Variants in BICRAL observed in about 807,000 individuals in gnomAD.
The protein encoded by BICRAL is BICRA like chromatin remodeling complex associated protein.
Under a neutral mutation model 91.8 loss-of-function variants are expected in BICRAL, and 8 were observed. The observed-to-expected ratio is 0.09, with a 90% CI of 0.05 to 0.16. BICRAL has a LOEUF of 0.16. Ranked by LOEUF, BICRAL falls within the 10% of genes least tolerant of loss-of-function variation. BICRAL has a pLI of 1.00. For missense variants in BICRAL, 1,038 were observed against 1,310.9 expected (o/e 0.79, Z 3.21); for synonymous variants, 445 against 491.1 (o/e 0.91, Z 1.24).
At chr6:42,752,912 CTTTTTTTTTTTT>C (rs57864510) in intron 1 of BICRAL, among the ~76,000 whole-genome samples, 1 of 82,230 alleles carries the variant, frequency 1.2e-5, no homozygotes, top group Admixed American at 1.5e-4. Flanking sequence ...CCCCAGCTGA[CTTTTTTTTTTTT>C]TTTTTTTTTT....
At position 42,857,040 on chromosome 6, in the gene BICRAL, T is replaced by G. The variant is rs187304245; in HGVS notation, c.2109-51T>G. Reference sequence around the variant, plus strand: ...TGCATGCAAATAAATATGACTAGATTTAATTTCCTAACATGACTTTACATT... The same window carrying G: ...TGCATGCAAATAAATATGACTAGATGTAATTTCCTAACATGACTTTACATT... On this transcript the variant is annotated intron_variant, in intron 9 of 12. Transcript: ENST00000314073. The G allele has an allele frequency of 7.3e-5, 109 of 1,493,760 alleles. No individual in the cohort carries two copies. The Admixed American group carries it at 1.1e-3, about 16-fold the overall frequency. 92.5% of individuals were successfully genotyped at this position (1,493,760 alleles called of 1,614,324 possible). A position where few individuals can be genotyped will look rare whatever the true frequency, so the allele number is the denominator to read the frequency against.
chr6:42,829,671 A>G lies in BICRAL; in HGVS notation c.1338A>G (p.Arg446=). 6.2e-7 allele frequency: 1 copy of G among 1,614,204 alleles called. No individual in the cohort carries two copies. The highest frequency in any genetic ancestry group is 8.5e-7 in the Non-Finnish European group (1 of 1,180,028). The change falls in exon 6 of 13, where the codon AGA becomes AGG. Residue 446 remains arginine, a synonymous_variant. Transcript: ENST00000314073. ...CCTCAGAGCATGTCATGTTGAACAG[A>G]AACTCTTCCAACATGCTCAGGACCA... ...QVASEHVMLN[R]NSSNMLRTNQ...
chr6:42,775,321 A>G (rs769530159), intron 1 of BICRAL, among the ~76,000 whole-genome samples: 12 of 152,160 alleles, frequency 7.9e-5, no homozygotes, highest in Non-Finnish European at 1.6e-4. Context: ...GTCCCTTTAC[A>G]TGGGTGTTCT....
Position 42,767,777 on chromosome 6 carries a change from TG to T in BICRAL, c.-260-14060del, listed in dbSNP as rs1188774260. Among the ~76,000 whole-genome samples the T allele has an allele frequency of 7.9e-5, 12 of 152,182 alleles. No individual in the cohort carries two copies. In the East Asian group the frequency reaches 1.9e-3, roughly 24 times the overall value. On this transcript the variant is annotated intron_variant, in intron 1 of 14. Coordinates refer to the BICRAL transcript ENST00000614467. ...GTTATCAAGGAGGAAGGAAGTTCTATGGAAGTACAGAGGAAACAGGAGGGTG... is the reference window on the plus strand; with the variant it reads ...GTTATCAAGGAGGAAGGAAGTTCTATGAAGTACAGAGGAAACAGGAGGGTG...
intron 8 of BICRAL, 66 bp downstream of exon 8, chr6:42,853,804 T>A (rs1415930705): frequency 8.4e-7 from 1 of 1,196,504 alleles, no homozygotes. Flanking sequence ...GTAGTCGTGC[T>A]ATCTTTGTGG....
chr6:42,801,944 A>G lies in BICRAL; in HGVS notation c.-101-8362A>G, dbSNP rs183545970. Among the ~76,000 whole-genome samples, 7 of 152,312 alleles carry G rather than the reference A, an allele frequency of 4.6e-5. No homozygotes were observed. The East Asian group carries it at 1.4e-3, about 29-fold the overall frequency. ...AAATTCCCTTTGCATTAGGAAAAACATAAATGACTTAGATAAATCTCCATT... is the reference window on the plus strand; with the variant it reads ...AAATTCCCTTTGCATTAGGAAAAACGTAAATGACTTAGATAAATCTCCATT... On this transcript the variant is annotated intron_variant, in intron 1 of 12. Coordinates refer to ENST00000314073, the MANE Select transcript of BICRAL (RefSeq NM_001393499.1).
chr6:42,763,822 G>GA (rs1267328599), intron 1 of BICRAL, among the ~76,000 whole-genome samples: 2 of 135,330 alleles, frequency 1.5e-5, no homozygotes, highest in Non-Finnish European at 3.2e-5. Context: ...CTCTGTCTCA[G>GA]AAAAAAACAA....
At chr6:42,793,545 T>C (rs1763338028) in intron 1 of BICRAL, among the ~76,000 whole-genome samples, 1 of 151,718 alleles carries the variant, frequency 6.6e-6, no homozygotes, top group Admixed American at 6.6e-5. Context: ...AGCCTTGGCC[T>C]CCCAAAGTGC....
At chr6:42,848,164 A>T (rs1237664490) in intron 6 of BICRAL, among the ~76,000 whole-genome samples, 2 of 151,330 alleles carry the variant, frequency 1.3e-5, no homozygotes, top group African/African-American at 4.9e-5. Context: ...GAAAAAGAAA[A>T]TCGCTTGAAC....
At chr6:42,755,730 C>G (rs572023814) in intron 1 of BICRAL, among the ~76,000 whole-genome samples, 1 of 149,552 alleles carries the variant, frequency 6.7e-6, no homozygotes, top group Non-Finnish European at 1.5e-5. Flanking sequence ...AGTGCAATGG[C>G]GTGATCTCAG....
At chr6:42,747,388 G>T (rs963923643) in intron 1 of BICRAL, among the ~76,000 whole-genome samples, 3 of 152,164 alleles carry the variant, frequency 2.0e-5, no homozygotes, top group African/African-American at 7.2e-5. Context: ...TTAAATTGGG[G>T]TATTTAACGA....
chr6:42,837,232 C>T (rs1462864998), intron 6 of BICRAL, among the ~76,000 whole-genome samples: 1 of 151,772 alleles, frequency 6.6e-6, no homozygotes, highest in Non-Finnish European at 1.5e-5. Flanking sequence ...CAGGTGTAAG[C>T]CACTGCACTC....
chr6:42,766,373 A>T (rs984602360), intron 1 of BICRAL, among the ~76,000 whole-genome samples: 2 of 152,202 alleles, frequency 1.3e-5, no homozygotes, highest in African/African-American at 4.8e-5. Flanking sequence ...TCATGTGTAG[A>T]TGCTGACTCT....
intron 1 of BICRAL, among the ~76,000 whole-genome samples, chr6:42,807,929 G>A (rs1763754741): frequency 6.6e-6 from 1 of 152,044 alleles, no homozygotes; most frequent in Non-Finnish European, 1.5e-5. Flanking sequence ...AAATTTGTAG[G>A]ATTAACCTAG....
intron 6 of BICRAL, among the ~76,000 whole-genome samples, chr6:42,846,293 G>T (rs576155497): frequency 6.6e-6 from 1 of 151,776 alleles, no homozygotes; most frequent in Non-Finnish European, 1.5e-5. Flanking sequence ...GCTTGAACCC[G>T]GGAGGCGGAG....
At chr6:42,782,681 T>C (rs1258184016) in intron 1 of BICRAL, among the ~76,000 whole-genome samples, 1 of 150,646 alleles carries the variant, frequency 6.6e-6, no homozygotes, top group East Asian at 2.0e-4. Flanking sequence ...TAATGACTCA[T>C]TGATTGAGCC....
rs764947751 is a variant in BICRAL at position 42,828,833 on chromosome 6, G to A, written c.500G>A (p.Gly167Glu). Reference protein sequence around the residue: ...NYSGQTLQPIGVTHVPVGASF... With the variant: ...NYSGQTLQPIEVTHVPVGASF... Reference sequence around the variant, plus strand: ...TCAGGTCAGACGCTGCAGCCTATAGGGGTGACGCATGTGCCTGTTGGAGCA... The same window carrying A: ...TCAGGTCAGACGCTGCAGCCTATAGAGGTGACGCATGTGCCTGTTGGAGCA... Residue 167 changes from glycine to glutamate, a missense_variant, in exon 6 of 13, where the codon GGG (glycine) becomes GAG (glutamate). Around this residue, in one of 5 missense-constraint regions of BICRAL, gnomAD observed 532 missense variants for 724.9 expected, o/e 0.73. Transcript: ENST00000314073. 2 of 1,614,170 alleles carry A rather than the reference G, an allele frequency of 1.2e-6. No individual in the cohort carries two copies.
chr6:42,845,786 G>A (rs1330708198), intron 6 of BICRAL, among the ~76,000 whole-genome samples: 5 of 151,938 alleles, frequency 3.3e-5, no homozygotes, highest in Non-Finnish European at 4.4e-5. Context: ...ATTCCTGGCC[G>A]GGCGCGGTGG....
chr6:42,834,663 A>AATTGT (rs1764590654), intron 6 of BICRAL, among the ~76,000 whole-genome samples: 1 of 152,136 alleles, frequency 6.6e-6, no homozygotes, highest in Non-Finnish European at 1.5e-5. Flanking sequence ...TATTGTATAA[A>AATTGT]ATAATTATAC....
Sources: gnomAD v4.1 joint callset for allele counts (sites outside exome capture counted in the v4.1 genomes callset) on GRCh38, gnomAD v4.1.1 for gene constraint, gnomAD v4.1.1 regional missense constraint, MANE v1.5 for transcripts, NCBI Gene and HGNC (gene_info 2026-07-23, HGNC 2026-07-21) for gene names.